The following MED12L variants were observed in gnomAD, a reference collection of about 807,000 sequenced individuals.
The protein encoded by MED12L is mediator of RNA polymerase II transcription subunit 12-like protein.
MED12L carries 60 observed loss-of-function variants against 281.3 expected under a neutral mutation model. That is an observed-to-expected ratio of 0.21 (90% CI 0.17 to 0.26). The LOEUF (loss-of-function observed/expected upper bound fraction) is 0.26. Ranked by LOEUF, MED12L falls within the 10% of genes least tolerant of loss-of-function variation. The pLI, the probability that MED12L is intolerant of heterozygous loss-of-function variation, is 1.00. For missense variants in MED12L, 2,146 were observed against 2,680.9 expected (o/e 0.80, Z 4.41); for synonymous variants, 974 against 987.2 (o/e 0.99, Z 0.25).
intron 15 of MED12L, among the ~76,000 whole-genome samples, chr3:151,193,104 C>T (rs1283692472): frequency 3.3e-5 from 5 of 152,044 alleles, no homozygotes; most frequent in Admixed American, 6.5e-5. Context: ...GTTTGGAGTA[C>T]AGACCAAAAC....
intron 2 of MED12L, among the ~76,000 whole-genome samples, chr3:151,108,144 T>G (rs981047117): frequency 4.6e-5 from 7 of 150,574 alleles, no homozygotes; most frequent in Non-Finnish European, 8.8e-5. Context: ...GGAAGATTCA[T>G]CCAGGGCCAG....
At chr3:151,155,124 CT>C (rs1719100283) in intron 5 of MED12L, among the ~76,000 whole-genome samples, 1 of 152,172 alleles carries the variant, frequency 6.6e-6, no homozygotes, top group Non-Finnish European at 1.5e-5. Flanking sequence ...AGTTTCTACT[CT>C]TTCTTTTGTC....
At chr3:151,301,170 T>C (rs1745868065) in intron 16 of MED12L, among the ~76,000 whole-genome samples, 2 of 152,194 alleles carry the variant, frequency 1.3e-5, no homozygotes, top group South Asian at 4.1e-4. Flanking sequence ...CACATTATTT[T>C]TTAATGTAAG....
intron 16 of MED12L, among the ~76,000 whole-genome samples, chr3:151,273,888 T>C (rs1025664465): frequency 1.3e-5 from 2 of 152,242 alleles, no homozygotes; most frequent in Admixed American, 6.5e-5. Context: ...TTTTTGTCCA[T>C]TCATGTAACA....
intron 44 of MED12L, 103 bp downstream of exon 44, chr3:151,430,483 C>T (rs1166895320): frequency 4.5e-6 from 7 of 1,539,908 alleles, no homozygotes; most frequent in Non-Finnish European, 6.2e-6. Flanking sequence ...CCATCTTCCT[C>T]AGTACAATGT....
In MED12L at chr3:151,347,278, T is replaced by C. The variant is rs141593909; in HGVS notation, c.2251-2781T>C. 5.6e-4 allele frequency among the ~76,000 whole-genome samples: 86 copies of C among 152,356 alleles called. No individual in the cohort carries two copies. The East Asian group carries it at 0.016, about 28-fold the overall frequency. ...CACCTCTGCCCTATTCCTTTAGCTATATATTTGTTCATTAGTCTGCTTATT... is the reference window on the plus strand; with the variant it reads ...CACCTCTGCCCTATTCCTTTAGCTACATATTTGTTCATTAGTCTGCTTATT... On this transcript the variant is annotated intron_variant, in intron 16 of 44. Transcript: ENST00000687756.
chr3:151,099,770 T>C lies in MED12L; in HGVS notation c.99+12745T>C, dbSNP rs575268533. Reference sequence around the variant, plus strand: ...AAGTAATTTAACTGTTTTCCAAGGATGGGGTGGGTGAGGGAGGGGAGGAGA... The same window carrying C: ...AAGTAATTTAACTGTTTTCCAAGGACGGGGTGGGTGAGGGAGGGGAGGAGA... On this transcript the variant is annotated intron_variant, in intron 2 of 44. Transcript: ENST00000687756. 3.3e-5 allele frequency among the ~76,000 whole-genome samples: 5 copies of C among 151,756 alleles called. No homozygotes were observed. In the South Asian group the frequency reaches 1.0e-3, roughly 32 times the overall value.
At position 151,387,958 on chromosome 3, in the gene MED12L, T is replaced by A. The variant is rs758054498; in HGVS notation, c.5237T>A (p.Leu1746Gln). ...IKYEEQHHLL[L>Q]YHTHPMPKPR... The stretch of plus-strand genomic sequence containing the variant: ...TACGAGGAGCAGCATCACCTCCTGC[T>A]GTATCACACACACCCCATGCCCAAG... Residue 1746 changes from leucine (L) to glutamine (Q), a missense_variant, in exon 37 of 45, where the codon CTG becomes CAG. This residue lies in a region of MED12L where 496 missense variants were observed against 512.0 expected (regional missense o/e 0.97). Transcript: ENST00000687756. 6.2e-7 allele frequency: 1 copy of A among 1,614,034 alleles called. No individual in the cohort carries two copies. Among genetic ancestry groups the A allele is most frequent in the South Asian group, 1.1e-5 (1 of 91,066 alleles).
At position 151,367,629 on chromosome 3, in the gene MED12L, C is replaced by T. The variant is rs1429003257; in HGVS notation, c.3328-17C>T. Reference sequence around the variant, plus strand: ...AAGGTTGTTAGGTATTAAAACCTGTCAATGTTTTTCTTGAAGGTGAGTGAC... The same window carrying T: ...AAGGTTGTTAGGTATTAAAACCTGTTAATGTTTTTCTTGAAGGTGAGTGAC... On this transcript the variant is annotated splice_polypyrimidine_tract_variant and intron_variant, in intron 23 of 44. Coordinates refer to ENST00000687756, the MANE Select transcript of MED12L (RefSeq NM_001393769.1). 1.3e-6 allele frequency: 2 copies of T among 1,594,624 alleles called. No individual in the cohort carries two copies. The highest frequency in any genetic ancestry group is 1.7e-6 in the Non-Finnish European group (2 of 1,167,568).
At chr3:151,234,495 T>C (rs1699204089) in intron 16 of MED12L, among the ~76,000 whole-genome samples, 1 of 152,254 alleles carries the variant, frequency 6.6e-6, no homozygotes, top group Non-Finnish European at 1.5e-5. Flanking sequence ...TTGTCTGTTT[T>C]ACTGTGTTGG....
rs778319065 is a variant in MED12L, at chr3:151,338,543, G to A, written c.2251-11516G>A. ...TATACATTGTGAAATAAAATATGAC[G>A]GAGGTAACTTGACACACAAAAGTTC... On this transcript the variant is annotated intron_variant, in intron 16 of 44. Coordinates refer to ENST00000687756, the MANE Select transcript of MED12L (RefSeq NM_001393769.1). 4.8e-5 allele frequency: 77 copies of A among 1,613,742 alleles called. No homozygotes were observed. Among genetic ancestry groups the A allele is most frequent in the Non-Finnish European group, 6.4e-5 (75 of 1,179,956 alleles).
chr3:151,303,608 C>A (rs1168215593), intron 16 of MED12L, among the ~76,000 whole-genome samples: 2 of 152,114 alleles, frequency 1.3e-5, no homozygotes, highest in African/African-American at 4.8e-5. Context: ...ACTAAAAATA[C>A]AACAATTAGC....
rs1033914532 is a variant in MED12L at position 151,334,464 on chromosome 3, A to G, written c.2251-15595A>G. ...AAAAGGTTTTTTTCCACCTGTTTTTAAAGTACTGGTCCAGGGGGAAGCAGT... is the reference window on the plus strand; with the variant it reads ...AAAAGGTTTTTTTCCACCTGTTTTTGAAGTACTGGTCCAGGGGGAAGCAGT... On this transcript the variant is annotated intron_variant, in intron 16 of 44. Coordinates refer to ENST00000687756, the MANE Select transcript of MED12L (RefSeq NM_001393769.1). Among the ~76,000 whole-genome samples the G allele has an allele frequency of 6.0e-5, 9 of 151,008 alleles. No homozygotes were observed. The East Asian group carries it at 1.2e-3, about 20-fold the overall frequency.
intron 32 of MED12L, 63 bp from the exon 33 acceptor site, chr3:151,382,593 T>G: frequency 8.3e-7 from 1 of 1,200,240 alleles, no homozygotes; most frequent in Non-Finnish European, 1.2e-6. Flanking sequence ...AGTATAAAGC[T>G]CAATTTATCT....
At chr3:151,213,812 G>C in intron 16 of MED12L, 1 of 1,614,158 alleles carries the variant, frequency 6.2e-7, no homozygotes, top group Non-Finnish European at 8.5e-7. Context: ...CATTTTATTT[G>C]TGTAACCTCC....
intron 17 of MED12L, among the ~76,000 whole-genome samples, chr3:151,354,838 T>C (rs567539752): frequency 1.3e-5 from 2 of 152,218 alleles, no homozygotes; most frequent in Non-Finnish European, 2.9e-5. Context: ...TATGATTTCC[T>C]TTATATATAA....
In MED12L at chr3:151,350,139, T is replaced by C; in HGVS notation, c.2331T>C (p.His777=). 1 of 1,613,774 alleles carries C rather than the reference T, an allele frequency of 6.2e-7. No homozygotes were observed. The highest frequency in any genetic ancestry group is 8.5e-7 in the Non-Finnish European group (1 of 1,179,810). ...GCAAAGAGCGTGATGAAGCAAGGCA[T>C]CAGCTGAAGAAGATTACCAAAGATA... is the stretch of plus-strand genomic sequence containing the variant. ...GVGKERDEAR[H]QLKKITKDIL... is the part of the protein sequence containing the mutation. Residue 777 remains histidine, a synonymous_variant, in exon 17 of 45, where the codon CAT becomes CAC. Coordinates refer to ENST00000687756, the MANE Select transcript of MED12L (RefSeq NM_001393769.1).
rs557562785 is a variant in MED12L, at chr3:151,149,684, T to G, written c.557-6477T>G. Reference sequence around the variant, plus strand: ...AAGAATTCTATGTAGCATGTGATGCTGTTTGGTAACATTTTACAAAATTGG... The same window carrying G: ...AAGAATTCTATGTAGCATGTGATGCGGTTTGGTAACATTTTACAAAATTGG... On this transcript the variant is annotated intron_variant, in intron 5 of 44. Coordinates refer to ENST00000687756, the MANE Select transcript of MED12L (RefSeq NM_001393769.1). Among the ~76,000 whole-genome samples the G allele has an allele frequency of 4.6e-5, 7 of 152,370 alleles. No homozygotes were observed. In the East Asian group the frequency reaches 1.3e-3, roughly 29 times the overall value.
chr3:151,166,861 G>A (rs2148986388), intron 11 of MED12L, among the ~76,000 whole-genome samples: 1 of 152,082 alleles, frequency 6.6e-6, no homozygotes, highest in East Asian at 1.9e-4. Context: ...ATTTTTAGTA[G>A]AGATGGGGTT....
Sources: allele counts gnomAD v4.1 joint callset (sites outside exome capture counted in the v4.1 genomes callset), GRCh38; gene constraint gnomAD v4.1.1; regional missense constraint gnomAD v4.1.1; transcripts MANE v1.5; gene names NCBI Gene and HGNC (gene_info 2026-07-23, HGNC 2026-07-21).